The following CCT8 variants were observed in gnomAD, a reference collection of about 807,000 sequenced individuals.
CCT8 encodes T-complex protein 1 subunit theta.
In CCT8, 10 loss-of-function variants were observed where a neutral mutation model predicts 65.7. The observed-to-expected ratio is 0.15, with a 90% CI of 0.09 to 0.26. CCT8 has a LOEUF of 0.26. Ranked by LOEUF, CCT8 falls within the 10% of genes least tolerant of loss-of-function variation. The probability of loss-of-function intolerance (pLI) is 1.00; values close to 1 mark genes in which losing one functional copy is unlikely to be tolerated. For missense variants in CCT8, 568 were observed against 669.1 expected (o/e 0.85, Z 1.67); for synonymous variants, 199 against 221.8 (o/e 0.90, Z 0.92).
chr21:29,073,546 G>C lies in CCT8; in HGVS notation c.45C>G (p.Leu15=), dbSNP rs774316101. 1 of 1,614,088 alleles carries C rather than the reference G, an allele frequency of 6.2e-7. No individual in the cohort carries two copies. The highest frequency in any genetic ancestry group is 8.5e-7 in the Non-Finnish European group (1 of 1,180,024). ...VPKAPGFAQM[L]KEGAKHFSGL... ...CAGCCCTTACTTTCGCTCCCTCCTT[G>C]AGCATCTGGGCAAAGCCCGGAGCCT... The change falls in exon 1 of 15, where the codon CTC becomes CTG. Residue 15 remains leucine, a synonymous_variant. Transcript: ENST00000286788.
At chr21:29,057,772 TGATA>T (rs891935785) in intron 14 of CCT8, among the ~76,000 whole-genome samples, 2 of 146,220 alleles carry the variant, frequency 1.4e-5, no homozygotes, top group African/African-American at 2.6e-5. Flanking sequence ...GAGATATATA[TGATA>T]TATATGAGAT....
intron 13 of CCT8, 21 bp from the exon 14 acceptor site, chr21:29,060,681 C>T: frequency 6.2e-7 from 1 of 1,611,328 alleles, no homozygotes; most frequent in Non-Finnish European, 8.5e-7. Context: ...CAATTTTCAT[C>T]CTTTCATTTA....
intron 1 of CCT8, chr21:29,072,178 T>C: frequency 3.8e-6 from 2 of 529,844 alleles, no homozygotes; most frequent in South Asian, 2.7e-5. Context: ...CTAAGTGTTC[T>C]GTCTATTCCT....
Position 29,073,631 on chromosome 21 carries a change from A to C in CCT8, c.-41T>G. The stretch of plus-strand genomic sequence containing the variant: ...AGCAGTTCACGCGACCGCTCGGAAG[A>C]CCGCGGAGGAAGCGAGGAGCACGCA... On this transcript the variant is annotated 5_prime_UTR_variant, in exon 1 of 15. Coordinates refer to ENST00000286788, the MANE Select transcript of CCT8 (RefSeq NM_006585.4). 1 of 1,596,828 alleles carries C rather than the reference A, an allele frequency of 6.3e-7. No homozygotes were observed. The highest frequency in any genetic ancestry group is 8.6e-7 in the Non-Finnish European group (1 of 1,165,292).
At chr21:29,073,393 C>T (rs1006781374) in intron 1 of CCT8, 138 bp downstream of exon 1, 3 of 1,489,708 alleles carry the variant, frequency 2.0e-6, no homozygotes, top group African/African-American at 2.8e-5. Context: ...AAATCACCTC[C>T]CTTTCTGGAA....
chr21:29,064,895 G>C (rs2085604609), intron 7 of CCT8, 73 bp downstream of exon 7: 2 of 1,330,208 alleles, frequency 1.5e-6, no homozygotes, highest in South Asian at 2.5e-5. Context: ...AGTACTTACT[G>C]GTTTAAGAGC....
Position 29,069,511 on chromosome 21 carries a change from TA to T in CCT8, c.152-10del. 6.6e-7 allele frequency: 1 copy of T among 1,519,250 alleles called. No homozygotes were observed. Among genetic ancestry groups the T allele is most frequent in the South Asian group, 1.3e-5 (1 of 76,378 alleles). The allele number at this position is 1,519,250 out of a possible 1,614,324, so 94.1% of individuals were successfully genotyped here. ...AACCATTTTGTTCATTCCTCAAAAG[TA>T]ACAGTTAAAAAAAGAAAAAGAAAGC... On this transcript the variant is annotated splice_polypyrimidine_tract_variant and intron_variant, in intron 2 of 14. Coordinates refer to ENST00000286788, the MANE Select transcript of CCT8 (RefSeq NM_006585.4).
chr21:29,070,909 T>G lies in CCT8; in HGVS notation c.61-572A>C, dbSNP rs144663574. On this transcript the variant is annotated intron_variant, in intron 1 of 14. Coordinates refer to ENST00000286788, the MANE Select transcript of CCT8 (RefSeq NM_006585.4). The stretch of plus-strand genomic sequence containing the variant: ...GGGCTTTTGTAAAGCCAGAAGTTCT[T>G]TAAGTATGTGCCACTGAAGTGTTTA... Among the ~76,000 whole-genome samples, 187 of 152,352 alleles carry G rather than the reference T, an allele frequency of 1.2e-3. 2 individuals carry two copies. Among genetic ancestry groups the G allele is most frequent in the African/African-American group, 4.2e-3 (174 of 41,586 alleles).
At chr21:29,073,103 AG>A (rs1351413717) in intron 1 of CCT8, 17 of 227,854 alleles carry the variant, frequency 7.5e-5, no homozygotes, top group Non-Finnish European at 4.5e-5. Flanking sequence ...TGGATCGGCT[AG>A]TTCTCGTTCT....
intron 6 of CCT8, among the ~76,000 whole-genome samples, chr21:29,066,504 ACT>A (rs1308117448): frequency 2.6e-5 from 4 of 152,296 alleles, no homozygotes; most frequent in Admixed American, 2.6e-4. Context: ...ATGTCATTGC[ACT>A]CCAACCTGGG....
At chr21:29,061,194 A>G in intron 13 of CCT8, 59 bp downstream of exon 13, 2 of 1,303,336 alleles carry the variant, frequency 1.5e-6, no homozygotes, top group East Asian at 2.3e-5. Context: ...AACTCATACT[A>G]TTTTTAGGTT....
At chr21:29,069,825 TA>T (rs1338390293) in intron 2 of CCT8, among the ~76,000 whole-genome samples, 20 of 152,210 alleles carry the variant, frequency 1.3e-4, no homozygotes. Context: ...AATTAACATG[TA>T]AAAAGGCCAA....
chr21:29,073,369 G>A (rs1293131766), intron 1 of CCT8, 162 bp downstream of exon 1: 2 of 1,443,142 alleles, frequency 1.4e-6, no homozygotes, highest in East Asian at 2.5e-5. Context: ...GGCTCCGGTG[G>A]CCGAGCCCTT....
rs748447177 is a variant in CCT8 at position 29,065,153 on chromosome 21, T to C, written c.625-48A>G. The C allele has an allele frequency of 8.2e-6, 13 of 1,591,430 alleles. No homozygotes were observed. In the African/African-American group the frequency reaches 1.3e-4, roughly 17 times the overall value. ...CATCAGCAATCTCCTGAAAATAACA[T>C]TACGGTCAAACTGTTGATTCTCCAT... On this transcript the variant is annotated intron_variant, in intron 6 of 14. Coordinates refer to ENST00000286788, the MANE Select transcript of CCT8 (RefSeq NM_006585.4).
rs769332860 is a variant in CCT8, at chr21:29,069,512, A to G, written c.152-10T>C. The G allele has an allele frequency of 2.0e-6, 3 of 1,512,934 alleles. No individual in the cohort carries two copies. Among genetic ancestry groups the G allele is most frequent in the East Asian group, 2.4e-5 (1 of 41,524 alleles). 93.7% of individuals were successfully genotyped at this position (1,512,934 alleles called of 1,614,324 possible). ...ACCATTTTGTTCATTCCTCAAAAGTAACAGTTAAAAAAAGAAAAAGAAAGC... is the reference window on the plus strand; with the variant it reads ...ACCATTTTGTTCATTCCTCAAAAGTGACAGTTAAAAAAAGAAAAAGAAAGC... On this transcript the variant is annotated splice_polypyrimidine_tract_variant and intron_variant, in intron 2 of 14. Coordinates refer to ENST00000286788, the MANE Select transcript of CCT8 (RefSeq NM_006585.4).
rs765056082 is a variant in CCT8, at chr21:29,061,527, T to G, written c.1253A>C (p.Glu418Ala). ...ATATGATGTGATCTGTTTGGCTAAT[T>G]CAATTTCTGTTGCTCCACCTCCGGG... is the stretch of plus-strand genomic sequence containing the variant. The part of the protein sequence containing the change: ...LVPGGGATEI[E>A]LAKQITSYGE... The change falls in exon 12 of 15, where the codon GAA becomes GCA. Residue 418 changes from glutamate to alanine, a missense_variant. Glu to Ala is a moderately radical substitution (Grantham distance 107, BLOSUM62 -1). Transcript: ENST00000286788. The G allele has an allele frequency of 1.2e-6, 2 of 1,614,038 alleles. No individual in the cohort carries two copies. The highest frequency in any genetic ancestry group is 1.7e-6 in the Non-Finnish European group (2 of 1,179,908).
In CCT8 at chr21:29,060,645, C is replaced by T. The variant is rs2085553159; in HGVS notation, c.1465G>A (p.Val489Ile). The T allele has an allele frequency of 1.2e-6, 2 of 1,613,540 alleles. No homozygotes were observed. The highest frequency in any genetic ancestry group is 8.5e-7 in the Non-Finnish European group (1 of 1,179,664). ...ATACCAGCTTCCAGCATGTCCTTTA[C>T]AGCAGGGACTTCAGCCTGTCAAACA... Reference protein sequence around the residue: ...GLDIEAEVPAVKDMLEAGILD... With the variant: ...GLDIEAEVPAIKDMLEAGILD... Residue 489 changes from valine to isoleucine, a missense_variant, in exon 14 of 15, where the codon GTA (valine) becomes ATA (isoleucine). By Grantham distance (29) the Val-to-Ile change is conservative. Transcript: ENST00000286788.
chr21:29,067,811 C>T (rs1248802347), intron 3 of CCT8, 106 bp from the exon 4 acceptor site: 6 of 782,990 alleles, frequency 7.7e-6, no homozygotes, highest in Non-Finnish European at 1.1e-5. Context: ...GATTAGGTAA[C>T]TCCATCTGAT....
At chr21:29,061,619 A>G (rs1200450469) in intron 11 of CCT8, 52 bp from the exon 12 acceptor site, 5 of 1,559,130 alleles carry the variant, frequency 3.2e-6, no homozygotes, top group Non-Finnish European at 4.4e-6. Context: ...CAAATTCACT[A>G]AAAATCAGTT....
Sources: allele counts gnomAD v4.1 joint callset (sites outside exome capture counted in the v4.1 genomes callset), GRCh38; gene constraint gnomAD v4.1.1; transcripts MANE v1.5; gene names NCBI Gene and HGNC (gene_info 2026-07-23, HGNC 2026-07-21).